ST3GAL1: variants seen among roughly 807,000 people sequenced by gnomAD.
The protein encoded by ST3GAL1 is ST3 beta-galactoside alpha-2,3-sialyltransferase 1.
Under a neutral mutation model 34.1 loss-of-function variants are expected in ST3GAL1, and 16 were observed. That is an observed-to-expected ratio of 0.47 (90% CI 0.32 to 0.71). The LOEUF is 0.71. Ranked by LOEUF, ST3GAL1 falls within the 30% of genes least tolerant of loss-of-function variation. ST3GAL1 has a pLI of 0.04. For synonymous variants in ST3GAL1, 191 were observed against 184.7 expected, an observed-to-expected ratio of 1.03 and a Z score of -0.28; for missense variants, 353 against 447.4, an observed-to-expected ratio of 0.79 and a Z score of 1.90.
intron 2 of ST3GAL1, among the ~76,000 whole-genome samples, chr8:133,505,818 G>C (rs1337714819): frequency 6.6e-6 from 1 of 152,032 alleles, no homozygotes; most frequent in East Asian, 1.9e-4. Context: ...GGCCAGGCTA[G>C]TCTCGAACTC....
chr8:133,560,812 A>T (rs1819199442), intron 1 of ST3GAL1, among the ~76,000 whole-genome samples: 2 of 152,216 alleles, frequency 1.3e-5, no homozygotes, highest in Admixed American at 1.3e-4. Flanking sequence ...TTTCGAGCTA[A>T]GTGACCTCGG....
chr8:133,554,620 G>T lies in ST3GAL1; in HGVS notation c.-581-8694C>A, dbSNP rs1818952963. Among the ~76,000 whole-genome samples the T allele has an allele frequency of 3.3e-5, 5 of 152,224 alleles. No individual in the cohort carries two copies. The South Asian group carries it at 8.3e-4, about 25-fold the overall frequency. On this transcript the variant is annotated intron_variant, in intron 1 of 9. Transcript: ENST00000522652. ...CCACCACCTCCTCCTCTTCACATCT[G>T]CTACTGCCTGTCTGATTCAGATTGG...
chr8:133,502,544 C>T (rs530681804), intron 2 of ST3GAL1, among the ~76,000 whole-genome samples: 1 of 152,138 alleles, frequency 6.6e-6, no homozygotes, highest in Non-Finnish European at 1.5e-5. Context: ...TCATCAGAAA[C>T]CAACCCTGAT....
intron 2 of ST3GAL1, among the ~76,000 whole-genome samples, chr8:133,542,066 T>C (rs1279667986): frequency 6.6e-6 from 1 of 151,898 alleles, no homozygotes; most frequent in African/African-American, 2.4e-5. Flanking sequence ...TATGTATGTA[T>C]ATAAATGTGG....
intron 3 of ST3GAL1, among the ~76,000 whole-genome samples, chr8:133,490,494 G>T (rs1010772463): frequency 1.3e-5 from 2 of 152,226 alleles, no homozygotes; most frequent in African/African-American, 4.8e-5. Context: ...GATGCCAAGG[G>T]CCTTAGTGAT....
chr8:133,472,681 C>T, intron 5 of ST3GAL1, among the ~76,000 whole-genome samples: 1 of 152,132 alleles, frequency 6.6e-6, no homozygotes, highest in Admixed American at 6.5e-5. Flanking sequence ...AGCCCTGCTC[C>T]TTTCTGTTGA....
At position 133,475,904 on chromosome 8, in the gene ST3GAL1, G is replaced by T; in HGVS notation, c.121C>A (p.Gln41Lys). The change falls in exon 5 of 10, where the codon CAG becomes AAG. Residue 41 changes from glutamine to lysine, a missense_variant. Gln to Lys is a moderately conservative substitution (Grantham distance 53). Coordinates refer to ENST00000522652, the MANE Select transcript of ST3GAL1 (RefSeq NM_173344.3). ...TTCTCGGAGAGCTCCAGGACCATCT[G>T]CTTGGGGAACCAGGTGGTGGCCACC... ...TMVATTWFPKQMVLELSENLK... is the reference protein window; with the variant it reads ...TMVATTWFPKKMVLELSENLK... 1 of 1,614,110 alleles carries T rather than the reference G, an allele frequency of 6.2e-7. No individual in the cohort carries two copies. Among genetic ancestry groups the T allele is most frequent in the Non-Finnish European group, 8.5e-7 (1 of 1,180,038 alleles).
intron 2 of ST3GAL1, among the ~76,000 whole-genome samples, chr8:133,521,051 C>T (rs1207732110): frequency 1.6e-5 from 2 of 126,698 alleles, no homozygotes; most frequent in Admixed American, 1.6e-4. Context: ...TTCCTGGGTT[C>T]AAGCAATTTT....
chr8:133,552,977 G>T (rs978407944), intron 1 of ST3GAL1, among the ~76,000 whole-genome samples: 2 of 152,108 alleles, frequency 1.3e-5, no homozygotes, highest in African/African-American at 4.8e-5. Flanking sequence ...AGTATAATTT[G>T]CCCAGGGCCA....
At chr8:133,500,982 C>A (rs1041885597) in intron 2 of ST3GAL1, among the ~76,000 whole-genome samples, 1 of 152,178 alleles carries the variant, frequency 6.6e-6, no homozygotes, top group African/African-American at 2.4e-5. Context: ...TGCTCTCCTT[C>A]CTAACACTGC....
At position 133,455,377 on chromosome 8, in the gene ST3GAL1, A is replaced by G. The variant is rs1815260643; in HGVS notation, c.*4387T>C. 6.6e-6 allele frequency: 1 copy of G among 152,248 alleles called. No homozygotes were observed. Among genetic ancestry groups the G allele is most frequent in the African/African-American group, 2.4e-5 (1 of 41,416 alleles). The allele number at this position is 152,248 out of a possible 1,614,324, so 9.4% of individuals were successfully genotyped here. ...AATTCAGTGCTCTTTTGGTAAGAAAAAATAGTCGGTAATGCCCTGATCCTG... is the reference window on the plus strand; with the variant it reads ...AATTCAGTGCTCTTTTGGTAAGAAAGAATAGTCGGTAATGCCCTGATCCTG... On this transcript the variant is annotated 3_prime_UTR_variant, in exon 10 of 10. Coordinates refer to ENST00000522652, the MANE Select transcript of ST3GAL1 (RefSeq NM_173344.3).
chr8:133,526,648 CAAG>C (rs1426809388), intron 2 of ST3GAL1, among the ~76,000 whole-genome samples: 2 of 151,986 alleles, frequency 1.3e-5, no homozygotes, highest in Non-Finnish European at 2.9e-5. Context: ...AATTACAGGG[CAAG>C]AAGAAAAAAG....
At chr8:133,558,914 C>T (rs1447753839) in intron 1 of ST3GAL1, among the ~76,000 whole-genome samples, 1 of 152,094 alleles carries the variant, frequency 6.6e-6, no homozygotes, top group African/African-American at 2.4e-5. Context: ...GTGGAGTTTG[C>T]AAGTTTTCCT....
At chr8:133,529,580 G>A (rs1436452173) in intron 2 of ST3GAL1, among the ~76,000 whole-genome samples, 1 of 152,144 alleles carries the variant, frequency 6.6e-6, no homozygotes, top group East Asian at 1.9e-4. Flanking sequence ...TGGGCTCTAG[G>A]GTAGATGGCC....
At chr8:133,536,954 C>T (rs1361603246) in intron 2 of ST3GAL1, among the ~76,000 whole-genome samples, 3 of 152,160 alleles carry the variant, frequency 2.0e-5, no homozygotes, top group Non-Finnish European at 4.4e-5. Context: ...CATGCACCAG[C>T]TGGGTGTCCT....
intron 2 of ST3GAL1, among the ~76,000 whole-genome samples, chr8:133,517,142 A>G (rs1817669313): frequency 6.6e-6 from 1 of 152,208 alleles, no homozygotes; most frequent in Admixed American, 6.5e-5. Flanking sequence ...GGACGTTTTC[A>G]GTAACACAGT....
intron 3 of ST3GAL1, among the ~76,000 whole-genome samples, chr8:133,484,168 A>G (rs1416625153): frequency 1.3e-5 from 2 of 152,154 alleles, no homozygotes; most frequent in African/African-American, 4.8e-5. Flanking sequence ...ATTGGGGGTC[A>G]GCCAGATCTG....
chr8:133,539,192 A>G (rs796309299), intron 2 of ST3GAL1, among the ~76,000 whole-genome samples: 4 of 152,314 alleles, frequency 2.6e-5, no homozygotes, highest in African/African-American at 9.6e-5. Flanking sequence ...CGAAAATCCC[A>G]GCAGAACCAA....
intron 2 of ST3GAL1, among the ~76,000 whole-genome samples, chr8:133,534,520 C>G (rs1021042592): frequency 4.6e-5 from 7 of 152,202 alleles, no homozygotes; most frequent in Admixed American, 2.6e-4. Context: ...GTGTGTTTGC[C>G]TAAGTTAATT....
Sources: gnomAD v4.1 joint callset for allele counts (sites outside exome capture counted in the v4.1 genomes callset) on GRCh38, gnomAD v4.1.1 for gene constraint, MANE v1.5 for transcripts, NCBI Gene and HGNC (gene_info 2026-07-23, HGNC 2026-07-21) for gene names.